Variants in CNTNAP5 observed in about 807,000 individuals in gnomAD.
The protein encoded by CNTNAP5 is contactin-associated protein-like 5.
A neutral mutation model predicts 150.2 loss-of-function variants in CNTNAP5; 72 were observed. That is an observed-to-expected ratio of 0.48 (90% CI 0.40 to 0.58). CNTNAP5 has a LOEUF of 0.58. Among genes scored for constraint, CNTNAP5 ranks in the 20% least tolerant of loss-of-function variants. The pLI is 0.00. For synonymous variants in CNTNAP5, 672 were observed against 619.8 expected (o/e 1.08, Z -1.25); for missense variants, 1,636 against 1,626.2 (o/e 1.01, Z -0.10).
chr2:124,031,199 A>G (rs1387944079), intron 1 of CNTNAP5, among the ~76,000 whole-genome samples: 3 of 151,986 alleles, frequency 2.0e-5, no homozygotes, highest in Non-Finnish European at 4.4e-5. Flanking sequence ...AAGTGTCCCT[A>G]TATATTACAT....
At chr2:124,687,073 G>A (rs1240109772) in intron 13 of CNTNAP5, among the ~76,000 whole-genome samples, 1 of 152,098 alleles carries the variant, frequency 6.6e-6, no homozygotes, top group Non-Finnish European at 1.5e-5. Context: ...AATTACCAGA[G>A]TTTGTGGCTA....
intron 1 of CNTNAP5, among the ~76,000 whole-genome samples, chr2:124,132,236 G>A (rs1683868874): frequency 6.6e-6 from 1 of 152,114 alleles, no homozygotes; most frequent in African/African-American, 2.4e-5. Context: ...ACAGTTTGCT[G>A]AGTATAAGAA....
At chr2:124,662,432 A>G (rs970266129) in intron 13 of CNTNAP5, among the ~76,000 whole-genome samples, 5 of 152,194 alleles carry the variant, frequency 3.3e-5, no homozygotes, top group African/African-American at 9.7e-5. Context: ...CCACCCTTGT[A>G]CATGAGATCT....
rs893069238 is a variant in CNTNAP5, at chr2:124,211,043, T to C, written c.83-10662T>C. 3.9e-5 allele frequency among the ~76,000 whole-genome samples: 6 copies of C among 152,150 alleles called. No individual in the cohort carries two copies. In the South Asian group the frequency reaches 6.2e-4, roughly 16 times the overall value. On this transcript the variant is annotated intron_variant, in intron 1 of 23. Coordinates refer to ENST00000682447, the MANE Select transcript of CNTNAP5 (RefSeq NM_001367498.1). ...GGACACTGTACTTAAAAAATATTTGTTGAATATAAGAAAAATGTGATAAAA... is the reference window on the plus strand; with the variant it reads ...GGACACTGTACTTAAAAAATATTTGCTGAATATAAGAAAAATGTGATAAAA...
chr2:124,858,952 A>C (rs1198445775), intron 19 of CNTNAP5, among the ~76,000 whole-genome samples: 1 of 152,096 alleles, frequency 6.6e-6, no homozygotes, highest in Non-Finnish European at 1.5e-5. Flanking sequence ...AACCATGAAA[A>C]CCCTAGAAGA....
chr2:124,574,285 C>A (rs1696227819), intron 11 of CNTNAP5, among the ~76,000 whole-genome samples: 1 of 152,130 alleles, frequency 6.6e-6, no homozygotes, highest in South Asian at 2.1e-4. Context: ...TCCATGATTC[C>A]TCATGAATAC....
intron 1 of CNTNAP5, among the ~76,000 whole-genome samples, chr2:124,104,302 C>T (rs17213071): frequency 0.093 from 14,105 of 152,038 alleles, 775 homozygotes; most frequent in Non-Finnish European, 0.13. Context: ...TATTTTGAGG[C>T]AAATTATTGA....
intron 1 of CNTNAP5, among the ~76,000 whole-genome samples, chr2:124,160,808 T>C (rs1319468240): frequency 2.6e-5 from 4 of 152,188 alleles, no homozygotes; most frequent in Admixed American, 2.0e-4. Flanking sequence ...TTGGGATTTA[T>C]AAATAATCAT....
Position 124,168,920 on chromosome 2 carries a change from A to G in CNTNAP5, c.83-52785A>G, listed in dbSNP as rs527896347. 8.5e-5 allele frequency among the ~76,000 whole-genome samples: 13 copies of G among 152,252 alleles called. No individual in the cohort carries two copies. The South Asian group carries it at 2.5e-3, about 29-fold the overall frequency. On this transcript the variant is annotated intron_variant, in intron 1 of 23. Transcript: ENST00000682447. The stretch of plus-strand genomic sequence containing the variant: ...TGTAAACTTTAAAAAAATTCACTCC[A>G]TCTGACCATCCCTACCTCTGACATA...
At chr2:124,820,419 C>T (rs1445419823) in intron 19 of CNTNAP5, among the ~76,000 whole-genome samples, 1 of 151,874 alleles carries the variant, frequency 6.6e-6, no homozygotes, top group Non-Finnish European at 1.5e-5. Flanking sequence ...CCTGCTCTCC[C>T]TCACCAGTTG....
chr2:124,861,088 A>G (rs1573669072), intron 19 of CNTNAP5, among the ~76,000 whole-genome samples: 1 of 151,906 alleles, frequency 6.6e-6, no homozygotes, highest in African/African-American at 2.4e-5. Context: ...GTGCTCAATC[A>G]TGATGGAATA....
chr2:124,555,667 C>T (rs1385784428), intron 10 of CNTNAP5, among the ~76,000 whole-genome samples: 1 of 152,092 alleles, frequency 6.6e-6, no homozygotes, highest in Non-Finnish European at 1.5e-5. Context: ...AATTTTCTGA[C>T]ATTAGTAGTA....
At chr2:124,467,114 T>G (rs1224800282) in intron 6 of CNTNAP5, among the ~76,000 whole-genome samples, 1 of 152,188 alleles carries the variant, frequency 6.6e-6, no homozygotes, top group Non-Finnish European at 1.5e-5. Context: ...ACTAACCCCA[T>G]GTGTATAGCA....
chr2:124,546,840 T>C (rs779748151), intron 10 of CNTNAP5, among the ~76,000 whole-genome samples: 1 of 152,188 alleles, frequency 6.6e-6, no homozygotes, highest in African/African-American at 2.4e-5. Context: ...CCACTTGACT[T>C]GTGAGCCTCC....
Position 124,772,949 on chromosome 2 carries a change from C to T in CNTNAP5, c.2684C>T (p.Pro895Leu). ...ACCTCCCTGCAGGTGGACAACCTTC[C>T]AAGGAGCACCAGGGAGACGTCGGAG... ...KETSLQVDNLPRSTRETSEEG... is the reference protein window; with the variant it reads ...KETSLQVDNLLRSTRETSEEG... Residue 895 changes from proline (P) to leucine (L), a missense_variant, in exon 17 of 24, where the codon CCA becomes CTA. Physicochemically the swap from Pro to Leu is moderately conservative, Grantham distance 98 (BLOSUM62 -3). Transcript: ENST00000682447. The T allele has an allele frequency of 6.2e-7, 1 of 1,613,692 alleles. No homozygotes were observed. Among genetic ancestry groups the T allele is most frequent in the Non-Finnish European group, 8.5e-7 (1 of 1,179,728 alleles).
At chr2:124,087,190 C>T (rs1558750557) in intron 1 of CNTNAP5, among the ~76,000 whole-genome samples, 1 of 151,818 alleles carries the variant, frequency 6.6e-6, no homozygotes, top group Non-Finnish European at 1.5e-5. Flanking sequence ...ACAATGTTTG[C>T]TTCAAGTGTC....
intron 1 of CNTNAP5, among the ~76,000 whole-genome samples, chr2:124,075,093 G>A (rs193080725): frequency 1.2e-3 from 178 of 152,132 alleles, no homozygotes; most frequent in Admixed American, 8.8e-3. Context: ...GGGGATAAAT[G>A]AATAGGGATA....
intron 13 of CNTNAP5, among the ~76,000 whole-genome samples, chr2:124,674,737 G>C (rs1678902844): frequency 6.6e-6 from 1 of 151,148 alleles, no homozygotes; most frequent in African/African-American, 2.4e-5. Context: ...ATTTCTTTTT[G>C]ACCAATTGGT....
intron 13 of CNTNAP5, among the ~76,000 whole-genome samples, chr2:124,674,025 C>T (rs1015617860): frequency 3.3e-5 from 5 of 152,080 alleles, no homozygotes; most frequent in Non-Finnish European, 5.9e-5. Flanking sequence ...CTGCTCCCAC[C>T]TTGCCGCATT....
Sources: gnomAD v4.1 joint callset for allele counts (sites outside exome capture counted in the v4.1 genomes callset) on GRCh38, gnomAD v4.1.1 for gene constraint, MANE v1.5 for transcripts, NCBI Gene and HGNC (gene_info 2026-07-23, HGNC 2026-07-21) for gene names.